TTC6: variants seen among roughly 807,000 people sequenced by gnomAD.
TTC6 encodes tetratricopeptide repeat domain 6, also known as tetratricopeptide repeat protein 6.
TTC6 carries 172 observed loss-of-function variants against 210.4 expected under a neutral mutation model. The ratio of observed to expected loss-of-function variants is 0.82; its 90% CI spans 0.72 to 0.93. The LOEUF is 0.93. Among genes scored for constraint, TTC6 ranks in the 40% least tolerant of loss-of-function variants. The pLI is 0.00. For synonymous variants in TTC6, 804 were observed against 819.6 expected, an observed-to-expected ratio of 0.98 and a Z score of 0.32; for missense variants, 2,414 against 2,318.1, an observed-to-expected ratio of 1.04 and a Z score of -0.85.
intron 14 of TTC6, among the ~76,000 whole-genome samples, chr14:37,760,234 G>GT (rs2095980003): frequency 6.9e-6 from 1 of 145,914 alleles, no homozygotes; most frequent in Non-Finnish European, 1.5e-5. Context: ...CTGTTTGTTA[G>GT]CTTTTCTTCT....
At chr14:37,718,379 A>G (rs537173359) in intron 6 of TTC6, among the ~76,000 whole-genome samples, 1 of 152,322 alleles carries the variant, frequency 6.6e-6, no homozygotes, top group Admixed American at 6.5e-5. Flanking sequence ...CATTTTCATA[A>G]TAAAAATTTT....
chr14:37,753,152 T>C, exon 14 of TTC6: 1 of 1,535,600 alleles, frequency 6.5e-7, no homozygotes, highest in Non-Finnish European at 8.7e-7. Context: ...GTGGGCTGTT[T>C]TATTGTGAAA....
intron 7 of TTC6, among the ~76,000 whole-genome samples, chr14:37,733,962 G>A (rs565914389): frequency 1.3e-5 from 2 of 151,904 alleles, no homozygotes; most frequent in African/African-American, 4.8e-5. Flanking sequence ...GTTCTTCTTA[G>A]TATTTCTATT....
chr14:37,644,618 T>G (rs2095698283), intron 1 of TTC6, among the ~76,000 whole-genome samples: 1 of 152,216 alleles, frequency 6.6e-6, no homozygotes, highest in Non-Finnish European at 1.5e-5. Flanking sequence ...CGAGGTAGTT[T>G]CTGACATGGT....
intron 1 of TTC6, among the ~76,000 whole-genome samples, chr14:37,664,896 A>G (rs1244281008): frequency 6.6e-6 from 1 of 150,754 alleles, no homozygotes; most frequent in Non-Finnish European, 1.5e-5. Flanking sequence ...CTTATGGAAA[A>G]GAGCTCAACC....
intron 1 of TTC6, among the ~76,000 whole-genome samples, chr14:37,678,910 G>A (rs1254063045): frequency 6.6e-6 from 1 of 152,072 alleles, no homozygotes; most frequent in East Asian, 1.9e-4. Context: ...AAGGCTAGAA[G>A]AAAAAGGGAC....
At chr14:37,648,517 C>A (rs1217645169) in intron 1 of TTC6, among the ~76,000 whole-genome samples, 3 of 150,844 alleles carry the variant, frequency 2.0e-5, no homozygotes, top group South Asian at 2.1e-4. Flanking sequence ...CTTTTTTTTT[C>A]TTCTACTGCA....
upstream of TTC6, among the ~76,000 whole-genome samples, chr14:37,621,460 T>C (rs1311136042): frequency 6.6e-6 from 1 of 152,000 alleles, no homozygotes; most frequent in Non-Finnish European, 1.5e-5. Context: ...AAAATTAAAG[T>C]ATTAGCTGGA....
intron 24 of TTC6, among the ~76,000 whole-genome samples, chr14:37,810,323 G>A (rs942633591): frequency 6.6e-6 from 1 of 152,150 alleles, no homozygotes; most frequent in Non-Finnish European, 1.5e-5. Context: ...GGGCGAGGAG[G>A]GAACACCCAT....
At chr14:37,632,323 G>T (rs919505215) in intron 1 of TTC6, among the ~76,000 whole-genome samples, 7 of 152,188 alleles carry the variant, frequency 4.6e-5, no homozygotes, top group African/African-American at 1.7e-4. Flanking sequence ...TTTGGTTGAT[G>T]TTGAGGCTAT....
intron 14 of TTC6, among the ~76,000 whole-genome samples, chr14:37,769,170 T>C (rs1444574863): frequency 6.6e-6 from 1 of 151,826 alleles, no homozygotes; most frequent in African/African-American, 2.4e-5. Context: ...TCATGATGGA[T>C]AAGCTTTTTG....
chr14:37,767,675 A>C (rs986505896), intron 14 of TTC6, among the ~76,000 whole-genome samples: 11 of 151,514 alleles, frequency 7.3e-5, no homozygotes, highest in African/African-American at 2.7e-4. Flanking sequence ...AATTTGTTTG[A>C]GTTCATTGTA....
chr14:37,687,568 G>A (rs1039788481), intron 3 of TTC6, among the ~76,000 whole-genome samples: 3 of 152,100 alleles, frequency 2.0e-5, no homozygotes, highest in African/African-American at 7.2e-5. Flanking sequence ...CTCCAAAAGC[G>A]ACTCCTTCCT....
intron 14 of TTC6, among the ~76,000 whole-genome samples, chr14:37,760,780 C>T (rs1387961273): frequency 6.6e-6 from 1 of 152,202 alleles, no homozygotes; most frequent in Non-Finnish European, 1.5e-5. Context: ...GTGAATTCCC[C>T]CCAGTCCAAA....
At chr14:37,832,877 G>C (rs1382633442) in intron 29 of TTC6, among the ~76,000 whole-genome samples, 1 of 151,794 alleles carries the variant, frequency 6.6e-6, no homozygotes, top group Non-Finnish European at 1.5e-5. Context: ...GGCCAATATG[G>C]TGAAACCCTG....
intron 14 of TTC6, among the ~76,000 whole-genome samples, chr14:37,784,586 C>G (rs2096063323): frequency 6.6e-6 from 1 of 152,108 alleles, no homozygotes; most frequent in Non-Finnish European, 1.5e-5. Context: ...ATTTGCCAGT[C>G]TGTGTCTTTT....
chr14:37,797,451 C>G (rs1455870493), intron 20 of TTC6, among the ~76,000 whole-genome samples: 3 of 151,984 alleles, frequency 2.0e-5, no homozygotes, highest in Non-Finnish European at 4.4e-5. Context: ...ATCAGCCACT[C>G]ATATTTTCTG....
intron 10 of TTC6, among the ~76,000 whole-genome samples, chr14:37,747,333 A>T (rs1038573602): frequency 6.6e-6 from 1 of 152,178 alleles, no homozygotes; most frequent in African/African-American, 2.4e-5. Context: ...TCAGCTTAGG[A>T]TAATATTTGG....
rs1378507286 is a variant in TTC6, at chr14:37,622,209, A to C, written c.145A>C (p.Ser49Arg). 3.3e-6 allele frequency: 5 copies of C among 1,535,516 alleles called. No individual in the cohort carries two copies. In the East Asian group the frequency reaches 9.8e-5, roughly 30 times the overall value. Residue 49 changes from serine (S) to arginine (R), a missense_variant, in exon 1 of 31, where the codon AGC (serine) becomes CGC (arginine). Transcript: ENST00000553443. ...GGCCTCCAAGCCGGCTGTAGATGAA[A>C]GCCCAGTCCACAGCCTCCATGCCCC...
Sources: allele counts gnomAD v4.1 joint callset (sites outside exome capture counted in the v4.1 genomes callset), GRCh38; gene constraint gnomAD v4.1.1; transcripts MANE v1.5; gene names NCBI Gene and HGNC (gene_info 2026-07-23, HGNC 2026-07-21).